Variants in SNX29 observed in about 807,000 individuals in gnomAD.
The protein encoded by SNX29 is sorting nexin 29.
In SNX29, 78 loss-of-function variants were observed where a neutral mutation model predicts 102.1. The ratio of observed to expected loss-of-function variants is 0.76; its 90% CI spans 0.64 to 0.92. The LOEUF is 0.92. SNX29 is among the 40% of genes least tolerant of loss of function. The pLI is 0.00. For synonymous variants in SNX29, 580 were observed against 414.5 expected (o/e 1.40, Z -4.85); for missense variants, 1,280 against 1,061.7 (o/e 1.21, Z -2.86).
At chr16:12,341,025 G>T (rs998194514) in intron 15 of SNX29, among the ~76,000 whole-genome samples, 3 of 152,176 alleles carry the variant, frequency 2.0e-5, no homozygotes, top group Non-Finnish European at 4.4e-5. Flanking sequence ...ATAATGCCTT[G>T]AAGAGACGTG....
At chr16:12,360,220 G>A (rs1293255182) in intron 16 of SNX29, among the ~76,000 whole-genome samples, 1 of 152,214 alleles carries the variant, frequency 6.6e-6, no homozygotes, top group African/African-American at 2.4e-5. Context: ...CCATGTCTTT[G>A]TGTTGATCAG....
intron 20 of SNX29, among the ~76,000 whole-genome samples, chr16:12,562,693 G>A (rs866594211): frequency 1.3e-5 from 2 of 152,270 alleles, no homozygotes; most frequent in Admixed American, 6.5e-5. Flanking sequence ...TGCCTTCTTT[G>A]GAGTCGAGAT....
At chr16:12,235,319 T>A (rs531310703) in intron 14 of SNX29, among the ~76,000 whole-genome samples, 60 of 152,278 alleles carry the variant, frequency 3.9e-4, no homozygotes, top group Middle Eastern at 3.4e-3. Flanking sequence ...GCACCAGGCA[T>A]CCCGCAGTGC....
intron 20 of SNX29, among the ~76,000 whole-genome samples, chr16:12,542,060 T>C (rs181444178): frequency 6.6e-5 from 10 of 152,110 alleles, no homozygotes; most frequent in Non-Finnish European, 1.3e-4. Context: ...AAGATATTCC[T>C]AGTCACCAGT....
At chr16:12,525,708 CCA>C (rs200134417) in intron 20 of SNX29, among the ~76,000 whole-genome samples, 32 of 129,330 alleles carry the variant, frequency 2.5e-4, no homozygotes, top group East Asian at 1.1e-3. Flanking sequence ...ACCCCCCCCC[CCA>C]AAAAAAAGAA....
At chr16:12,061,418 C>A in intron 8 of SNX29, 110 bp from the exon 9 acceptor site, 1 of 823,376 alleles carries the variant, frequency 1.2e-6, no homozygotes. Flanking sequence ...CTGTTCTCAG[C>A]CCTGCCTTGG....
At chr16:12,539,885 TGTTTGTGGTTTTACAAAGATTTGA>T (rs1251904889) in intron 20 of SNX29, among the ~76,000 whole-genome samples, 2 of 152,242 alleles carry the variant, frequency 1.3e-5, no homozygotes, top group Non-Finnish European at 2.9e-5. Flanking sequence ...GAAACTAGGC[TGTTTGTGGTTTTACAAAGATTTGA>T]GTTTTGGGAG....
chr16:12,075,519 T>C (rs574827768), intron 10 of SNX29, among the ~76,000 whole-genome samples: 25 of 152,188 alleles, frequency 1.6e-4, no homozygotes, highest in Non-Finnish European at 2.6e-4. Flanking sequence ...ATCGTTCCTC[T>C]GGAAGTTTTG....
chr16:12,540,181 CTT>C (rs1051192627), intron 20 of SNX29, among the ~76,000 whole-genome samples: 9 of 152,116 alleles, frequency 5.9e-5, no homozygotes, highest in Non-Finnish European at 1.0e-4. Flanking sequence ...TTTGAGTGGA[CTT>C]TTGTGTCAGG....
At chr16:12,266,270 T>A (rs2078925130) in intron 14 of SNX29, among the ~76,000 whole-genome samples, 1 of 152,046 alleles carries the variant, frequency 6.6e-6, no homozygotes, top group South Asian at 2.1e-4. Context: ...CAACACACCA[T>A]TTTTGCCGCC....
At chr16:12,055,078 T>A (rs1490279327) in intron 8 of SNX29, among the ~76,000 whole-genome samples, 1 of 152,096 alleles carries the variant, frequency 6.6e-6, no homozygotes, top group Non-Finnish European at 1.5e-5. Context: ...CAGGGCTTTC[T>A]AGAGAAACAG....
intron 16 of SNX29, among the ~76,000 whole-genome samples, chr16:12,383,350 C>G (rs2083239665): frequency 6.6e-6 from 1 of 152,210 alleles, no homozygotes; most frequent in Admixed American, 6.5e-5. Context: ...TTTAAAAAAG[C>G]ATCTTAAACA....
Position 11,981,078 on chromosome 16 carries a change from C to T in SNX29, c.7+4265C>T, listed in dbSNP as rs544168779. Among the ~76,000 whole-genome samples, 8 of 152,126 alleles carry T rather than the reference C, an allele frequency of 5.3e-5. No individual in the cohort carries two copies. In the South Asian group the frequency reaches 1.7e-3, roughly 32 times the overall value. On this transcript the variant is annotated intron_variant, in intron 1 of 20. Coordinates refer to ENST00000566228, the MANE Select transcript of SNX29 (RefSeq NM_032167.5). ...TGCCTCCCAGGTTCAAGTGATTCTCCTGCCTCAGCCTCTGGAGTAGCTGGG... is the reference window on the plus strand; with the variant it reads ...TGCCTCCCAGGTTCAAGTGATTCTCTTGCCTCAGCCTCTGGAGTAGCTGGG...
intron 20 of SNX29, among the ~76,000 whole-genome samples, chr16:12,548,610 C>T (rs757240658): frequency 2.0e-5 from 3 of 152,170 alleles, no homozygotes; most frequent in Non-Finnish European, 4.4e-5. Flanking sequence ...GTACTCTGTC[C>T]AAGCCCCACA....
rs530562081 is a variant in SNX29, at chr16:12,370,840, G to A, written c.1899+14561G>A. 2.0e-5 allele frequency among the ~76,000 whole-genome samples: 3 copies of A among 152,326 alleles called. No individual in the cohort carries two copies. In the South Asian group the frequency reaches 6.2e-4, roughly 32 times the overall value. ...TGTCTCTTTTCTGGGCGACCAGCACGTTATGTGATTAGATGGGAATAGATA... is the reference window on the plus strand; with the variant it reads ...TGTCTCTTTTCTGGGCGACCAGCACATTATGTGATTAGATGGGAATAGATA... On this transcript the variant is annotated intron_variant, in intron 16 of 20. Transcript: ENST00000566228.
At chr16:12,452,833 C>A (rs1038698174) in intron 18 of SNX29, among the ~76,000 whole-genome samples, 1 of 152,158 alleles carries the variant, frequency 6.6e-6, no homozygotes, top group African/African-American at 2.4e-5. Flanking sequence ...GATCACAGGT[C>A]TATCTATCCT....
chr16:12,016,895 G>A (rs745617826), intron 3 of SNX29, among the ~76,000 whole-genome samples: 56 of 152,182 alleles, frequency 3.7e-4, no homozygotes, highest in Non-Finnish European at 7.5e-4. Context: ...GGGAGGCCAG[G>A]GCAGGAGGAT....
intron 20 of SNX29, among the ~76,000 whole-genome samples, chr16:12,544,111 A>T (rs1194107783): frequency 6.6e-6 from 1 of 152,196 alleles, no homozygotes; most frequent in African/African-American, 2.4e-5. Flanking sequence ...GAAGGCTGTT[A>T]AGGAAAACAA....
Position 12,356,180 on chromosome 16 carries a change from C to T in SNX29, c.1800C>T (p.Gly600=), listed in dbSNP as rs142589090. The T allele has an allele frequency of 1.7e-5, 27 of 1,612,812 alleles. No individual in the cohort carries two copies. The highest frequency in any genetic ancestry group is 5.3e-5 in the African/African-American group (4 of 75,028). The change falls in exon 16 of 21, where the codon GGC becomes GGT. Residue 600 remains glycine (G), a synonymous_variant. Coordinates refer to ENST00000566228, the MANE Select transcript of SNX29 (RefSeq NM_032167.5). ...TGTTCCAGGTGGCAGAGATGCATGG[C>T]GAGCTGATTGAGTTCAACGAGCGCC... The part of the protein sequence containing the change: ...RKLIEVAEMH[G]ELIEFNERLH...
Sources: allele counts gnomAD v4.1 joint callset (sites outside exome capture counted in the v4.1 genomes callset), GRCh38; gene constraint gnomAD v4.1.1; transcripts MANE v1.5; gene names NCBI Gene and HGNC (gene_info 2026-07-23, HGNC 2026-07-21).